PIK3R5: variants seen among roughly 807,000 people sequenced by gnomAD.
PIK3R5 encodes the protein phosphoinositide 3-kinase regulatory subunit 5.
PIK3R5 carries 32 observed loss-of-function variants against 94.9 expected under a neutral mutation model. The observed-to-expected ratio is 0.34, with a 90% CI of 0.25 to 0.45. PIK3R5 has a LOEUF of 0.45. Among genes scored for constraint, PIK3R5 ranks in the 20% least tolerant of loss-of-function variants. The pLI, the probability that PIK3R5 is intolerant of heterozygous loss-of-function variation, is 1.00. For synonymous variants in PIK3R5, 443 were observed against 479.4 expected (o/e 0.92, Z 0.99); for missense variants, 853 against 1,144.6 (o/e 0.75, Z 3.68).
rs2090515227 is a variant in PIK3R5 at position 8,911,074 on chromosome 17, T to A, written c.103+318A>T. ...AATTCTGGGGAGAGCTGCCTGTGAA[T>A]TCCCAGCTGCTTTTTCAGAATCAGC... On this transcript the variant is annotated intron_variant, in intron 2 of 18. Transcript: ENST00000447110. This position sits in a 1 kb window ranked among gnomAD's most constrained non-coding sequence, Gnocchi z 5.3. 6.6e-6 allele frequency among the ~76,000 whole-genome samples: 1 copy of A among 152,216 alleles called. No individual in the cohort carries two copies. Among genetic ancestry groups the A allele is most frequent in the Middle Eastern group, 3.2e-3 (1 of 316 alleles).
At chr17:8,958,098 GC>G (rs922022941) in intron 1 of PIK3R5, among the ~76,000 whole-genome samples, 1 of 152,094 alleles carries the variant, frequency 6.6e-6, no homozygotes, top group Non-Finnish European at 1.5e-5. Flanking sequence ...ATCACTTGAG[GC>G]CAGGAGTTCG....
intron 1 of PIK3R5, among the ~76,000 whole-genome samples, chr17:8,926,915 T>C (rs1478436229): frequency 6.6e-6 from 1 of 152,190 alleles, no homozygotes. Flanking sequence ...AGAGGTTATA[T>C]ATATATAAAT....
At chr17:8,905,833 T>C in intron 3 of PIK3R5, 96 bp from the exon 4 acceptor site, 1 of 225,842 alleles carries the variant, frequency 4.4e-6, no homozygotes, top group Admixed American at 1.0e-4. Flanking sequence ...TAGCCTTTCT[T>C]TTTTTTTTTT....
intron 6 of PIK3R5, among the ~76,000 whole-genome samples, chr17:8,891,573 AT>A (rs776107551): frequency 4.7e-5 from 7 of 148,692 alleles, no homozygotes; most frequent in Non-Finnish European, 1.0e-4. Context: ...CAGTGTTTAC[AT>A]TTCTTTATTA....
chr17:8,886,081 C>T (rs1418466691), intron 14 of PIK3R5, 148 bp downstream of exon 14: 6 of 643,144 alleles, frequency 9.3e-6, no homozygotes, highest in Non-Finnish European at 1.7e-5. Context: ...CCCCACCTCC[C>T]GGTAACCCCG....
intron 1 of PIK3R5, among the ~76,000 whole-genome samples, chr17:8,926,638 A>T (rs1372172947): frequency 6.6e-6 from 1 of 152,160 alleles, no homozygotes; most frequent in Non-Finnish European, 1.5e-5. Context: ...TCACTACCAC[A>T]AGAACAGTAT....
At chr17:8,949,766 G>A (rs113287906) in intron 1 of PIK3R5, among the ~76,000 whole-genome samples, 4,317 of 152,246 alleles carry the variant, frequency 0.028, 88 homozygotes, top group Non-Finnish European at 0.046. Flanking sequence ...CTTAGCAGGG[G>A]AAAGGTGGGA....
intron 1 of PIK3R5, among the ~76,000 whole-genome samples, chr17:8,965,001 C>CACACACACACACACA (rs1567679194): frequency 1.3e-5 from 2 of 150,800 alleles, no homozygotes; most frequent in African/African-American, 2.4e-5. Flanking sequence ...ATGCGCATGC[C>CACACACACACACACA]CACACACACA....
intron 1 of PIK3R5, among the ~76,000 whole-genome samples, chr17:8,926,651 G>T (rs1446262623): frequency 6.6e-6 from 1 of 152,014 alleles, no homozygotes; most frequent in Non-Finnish European, 1.5e-5. Flanking sequence ...AACAGTATGG[G>T]GGAAACTGCC....
intron 1 of PIK3R5, among the ~76,000 whole-genome samples, chr17:8,913,502 T>A (rs1311785235): frequency 6.6e-6 from 1 of 152,098 alleles, no homozygotes; most frequent in Admixed American, 6.5e-5. Flanking sequence ...AGGTCAGGAT[T>A]TCGAATCCAG....
rs570402936 is a variant in PIK3R5, at chr17:8,965,076, G to T, written c.-14+520C>A. Among the ~76,000 whole-genome samples, 3 of 152,282 alleles carry T rather than the reference G, an allele frequency of 2.0e-5. No individual in the cohort carries two copies. In the East Asian group the frequency reaches 5.8e-4, roughly 29 times the overall value. On this transcript the variant is annotated intron_variant, in intron 1 of 18. Transcript: ENST00000447110. ...GTGTGTAAACACAGATCCTCTGAGA[G>T]CAGAAAGCGTGCAGTTCTCTAGGAC...
chr17:8,914,075 A>T (rs1187132760), intron 1 of PIK3R5, among the ~76,000 whole-genome samples: 1 of 152,138 alleles, frequency 6.6e-6, no homozygotes, highest in Non-Finnish European at 1.5e-5. Context: ...CTGCTGGAGG[A>T]GGTAGAACAC....
intron 15 of PIK3R5, among the ~76,000 whole-genome samples, chr17:8,883,016 C>T (rs2089718249): frequency 6.6e-6 from 1 of 152,220 alleles, no homozygotes; most frequent in South Asian, 2.1e-4. Flanking sequence ...GCATTCCCAG[C>T]CCCACCACAA....
intron 1 of PIK3R5, among the ~76,000 whole-genome samples, chr17:8,936,562 T>C (rs1165724302): frequency 6.6e-6 from 1 of 152,244 alleles, no homozygotes; most frequent in Non-Finnish European, 1.5e-5. Flanking sequence ...TGCATGCACT[T>C]AAGATTCTTT....
chr17:8,882,041 C>T lies in PIK3R5; in HGVS notation c.2206-160G>A. On this transcript the variant is annotated intron_variant, in intron 15 of 18. Coordinates refer to ENST00000447110, the MANE Select transcript of PIK3R5 (RefSeq NM_001142633.3). The surrounding 1 kb of genome is among the most constrained non-coding windows in gnomAD (Gnocchi z 4.1). ...GGCCCCTGTACCACCCTGGATAGACCTGGATGACTCCAGGGAAGAGCTCAC... is the reference window on the plus strand; with the variant it reads ...GGCCCCTGTACCACCCTGGATAGACTTGGATGACTCCAGGGAAGAGCTCAC... The T allele has an allele frequency of 1.6e-6, 1 of 628,006 alleles. No homozygotes were observed. Among genetic ancestry groups the T allele is most frequent in the Non-Finnish European group, 2.8e-6 (1 of 351,110 alleles). 38.9% of individuals were successfully genotyped at this position (628,006 alleles called of 1,614,324 possible). A position where few individuals can be genotyped will look rare whatever the true frequency, so the allele number is the denominator to read the frequency against.
In PIK3R5 at chr17:8,890,838, C is replaced by T; in HGVS notation, c.557G>A (p.Gly186Glu). 1 of 1,613,548 alleles carries T rather than the reference C, an allele frequency of 6.2e-7. No homozygotes were observed. The highest frequency in any genetic ancestry group is 8.5e-7 in the Non-Finnish European group (1 of 1,179,806). Residue 186 changes from glycine to glutamate, a missense_variant, in exon 7 of 19, where the codon GGA becomes GAA. Gly to Glu is a moderately conservative substitution (Grantham distance 98, BLOSUM62 -2). Transcript: ENST00000447110. This position sits in a 1 kb window ranked among gnomAD's most constrained non-coding sequence, Gnocchi z 6.1. ...LAVANKLSTP[G>E]HSPHSAYTTL... ...GGTGTAGGCACTGTGAGGCGAGTGT[C>T]CGGGCGTACTCAGCTTATTGGCTAC...
Position 8,887,525 on chromosome 17 carries a change from GGGCTGGCGT to G in PIK3R5, c.1766_1774del (p.His589_Ser591del). 1 of 1,604,508 alleles carries G rather than the reference GGGCTGGCGT, an allele frequency of 6.2e-7. No individual in the cohort carries two copies. Among genetic ancestry groups the G allele is most frequent in the Non-Finnish European group, 8.5e-7 (1 of 1,175,766 alleles). On this transcript the variant is annotated inframe_deletion, in exon 11 of 19. Coordinates refer to ENST00000447110, the MANE Select transcript of PIK3R5 (RefSeq NM_001142633.3). ...TGGCCCAGGCTGGGGACATACTCCA[GGGCTGGCGT>G]GCCTAGGGGAGTCTGTCGGGGGTGA... is the stretch of plus-strand genomic sequence containing the variant.
intron 1 of PIK3R5, among the ~76,000 whole-genome samples, chr17:8,926,157 A>C (rs1434421082): frequency 1.3e-5 from 2 of 152,222 alleles, no homozygotes; most frequent in Non-Finnish European, 2.9e-5. Flanking sequence ...TGCCACTGCA[A>C]GGTCTACAGC....
intron 1 of PIK3R5, among the ~76,000 whole-genome samples, chr17:8,947,145 G>A (rs1363594607): frequency 6.8e-6 from 1 of 146,046 alleles, no homozygotes; most frequent in Non-Finnish European, 1.5e-5. Flanking sequence ...CTTTTCTCGT[G>A]TGCATCAAAA....
Sources: gnomAD v4.1 joint callset for allele counts (sites outside exome capture counted in the v4.1 genomes callset) on GRCh38, gnomAD v4.1.1 for gene constraint, Gnocchi (gnomAD v3.1) non-coding constraint, MANE v1.5 for transcripts, NCBI Gene and HGNC (gene_info 2026-07-23, HGNC 2026-07-21) for gene names.